SYAP1: variants seen among roughly 807,000 people sequenced by gnomAD.
SYAP1 encodes synapse-associated protein 1.
In SYAP1, 3 loss-of-function variants were observed where a neutral mutation model predicts 29.6. The observed-to-expected ratio is 0.10, with a 90% CI of 0.05 to 0.26. The LOEUF (loss-of-function observed/expected upper bound fraction) is 0.26. Ranked by LOEUF, SYAP1 falls within the 10% of genes least tolerant of loss-of-function variation. The pLI, the probability that SYAP1 is intolerant of heterozygous loss-of-function variation, is 1.00. For synonymous variants in SYAP1, 102 were observed against 102.7 expected (o/e 0.99, Z 0.04); for missense variants, 217 against 264.1 (o/e 0.82, Z 1.24).
chrX:16,721,056 G>T (rs1925948250), intron 1 of SYAP1, among the ~76,000 whole-genome samples: 1 of 107,152 alleles, frequency 9.3e-6, no homozygotes, highest in Admixed American at 1.0e-4. Context: ...CTTTGAGGAG[G>T]TGAGCCCTAA....
intron 4 of SYAP1, 28 bp from the exon 5 acceptor site, chrX:16,743,673 C>G (rs775771098): frequency 8.3e-7 from 1 of 1,201,328 alleles, no homozygotes; most frequent in East Asian, 3.0e-5. Flanking sequence ...TGTGGAATAC[C>G]CTGTGTTTTT....
chrX:16,729,052 G>GAA (rs140902155), intron 1 of SYAP1, among the ~76,000 whole-genome samples: 1 of 95,708 alleles, frequency 1.0e-5, no homozygotes, highest in Non-Finnish European at 2.1e-5. Context: ...AAAAAAAAAA[G>GAA]AAAAAAAAAA....
chrX:16,725,761 T>C (rs1926071495), intron 1 of SYAP1, among the ~76,000 whole-genome samples: 1 of 111,955 alleles, frequency 8.9e-6, no homozygotes, highest in African/African-American at 3.2e-5. Context: ...GGGCAAGAAC[T>C]TGTGCTTTCT....
At chrX:16,731,270 C>T (rs1340203158) in intron 1 of SYAP1, among the ~76,000 whole-genome samples, 2 of 111,725 alleles carry the variant, frequency 1.8e-5, no homozygotes, top group Non-Finnish European at 3.8e-5. Flanking sequence ...AAAATTATGA[C>T]ATTTGTTATG....
At chrX:16,751,437 G>A (rs1926726210) in intron 5 of SYAP1, among the ~76,000 whole-genome samples, 1 of 95,790 alleles carries the variant, frequency 1.0e-5, no homozygotes, top group Non-Finnish European at 2.1e-5. Context: ...GGGTGACAGA[G>A]CGAGACTCTG....
At position 16,742,143 on chromosome X, in the gene SYAP1, G is replaced by GTTTTTTTTTTTTTTTTTTTTTTTTTT. The variant is rs144175479; in HGVS notation, c.435+355_435+380dup. ...ACCATGCCCAGCTAATTTTTGTGTG[G>GTTTTTTTTTTTTTTTTTTTTTTTTTT]TTTTTTTTTTTTTTTTTTTTTTTTT... On this transcript the variant is annotated intron_variant, in intron 4 of 8. Transcript: ENST00000380155. 7.2e-5 allele frequency among the ~76,000 whole-genome samples: 3 copies of GTTTTTTTTTTTTTTTTTTTTTTTTTT among 41,872 alleles called. 1 individual carries two copies. The highest frequency in any genetic ancestry group is 4.0e-4 in the African/African-American group (3 of 7,526). The allele number at this position is 41,872 out of a possible 115,157, so 36.4% of individuals were successfully genotyped here. A position where few individuals can be genotyped will look rare whatever the true frequency, so the allele number is the denominator to read the frequency against.
At position 16,763,337 on chromosome X, in the gene SYAP1, G is replaced by A. The variant is rs1031061231; in HGVS notation, c.*2978G>A. The stretch of plus-strand genomic sequence containing the variant: ...GGATGAGAAATATTCTTGGTAAATC[G>A]GGCATTTCTTTTTTTGTTTGTTTTT... On this transcript the variant is annotated 3_prime_UTR_variant, in exon 9 of 9. Coordinates refer to ENST00000380155, the MANE Select transcript of SYAP1 (RefSeq NM_032796.4). The A allele has an allele frequency of 4.6e-5, 5 of 107,558 alleles. No homozygotes were observed. Among genetic ancestry groups the A allele is most frequent in the African/African-American group, 1.4e-4 (4 of 29,506 alleles). The allele number at this position is 107,558 out of a possible 1,213,427, so 8.9% of individuals were successfully genotyped here.
chrX:16,757,954 C>T (rs760622038), intron 8 of SYAP1, among the ~76,000 whole-genome samples: 1 of 110,003 alleles, frequency 9.1e-6, no homozygotes, highest in South Asian at 3.8e-4. Context: ...TGGCATTCTC[C>T]TTGACTGTAG....
intron 6 of SYAP1, among the ~76,000 whole-genome samples, 162 bp downstream of exon 6, chrX:16,755,255 C>G (rs1926816824): frequency 9.0e-6 from 1 of 111,575 alleles, no homozygotes; most frequent in Non-Finnish European, 1.9e-5. Flanking sequence ...TCTCTCTGAC[C>G]CAGCTCACAC....
At chrX:16,736,754 C>T (rs905355064) in intron 3 of SYAP1, among the ~76,000 whole-genome samples, 2 of 111,927 alleles carry the variant, frequency 1.8e-5, no homozygotes, top group African/African-American at 3.2e-5. Flanking sequence ...GTGATCCGCC[C>T]GCCTTAGCCT....
At chrX:16,745,157 G>C (rs1249795697) in intron 5 of SYAP1, among the ~76,000 whole-genome samples, 3 of 112,344 alleles carry the variant, frequency 2.7e-5, no homozygotes, top group African/African-American at 9.7e-5. Context: ...AGTAGCTGTG[G>C]GAAGGTAGCT....
Position 16,761,654 on chromosome X carries a change from C to A in SYAP1, c.*1295C>A. 1 of 109,769 alleles carries A rather than the reference C, an allele frequency of 9.1e-6. No individual in the cohort carries two copies. The highest frequency in any genetic ancestry group is 1.9e-5 in the Non-Finnish European group (1 of 52,874). The allele number at this position is 109,769 out of a possible 1,213,427, so 9.0% of individuals were successfully genotyped here. A position where few individuals can be genotyped will look rare whatever the true frequency, so the allele number is the denominator to read the frequency against. ...CGCCACTGCACTCCAGCCTGGGTGA[C>A]AGAGTGAGAGACTCCGTCTCAAAAA... On this transcript the variant is annotated 3_prime_UTR_variant, in exon 9 of 9. Transcript: ENST00000380155.
chrX:16,726,731 C>G (rs1025924782), intron 1 of SYAP1, among the ~76,000 whole-genome samples: 2 of 111,536 alleles, frequency 1.8e-5, no homozygotes, highest in African/African-American at 3.3e-5. Flanking sequence ...AGGGGCTCAT[C>G]ATTATGGGGC....
chrX:16,728,997 C>A (rs1926142618), intron 1 of SYAP1, among the ~76,000 whole-genome samples: 1 of 107,319 alleles, frequency 9.3e-6, no homozygotes, highest in Non-Finnish European at 1.9e-5. Flanking sequence ...CGAGATCACA[C>A]CACTGTGCTT....
At chrX:16,736,699 C>T (rs1926336673) in intron 3 of SYAP1, among the ~76,000 whole-genome samples, 1 of 111,604 alleles carries the variant, frequency 9.0e-6, no homozygotes, top group Admixed American at 9.6e-5. Flanking sequence ...TTAGTAGAAA[C>T]GGGGTTTTAC....
intron 5 of SYAP1, among the ~76,000 whole-genome samples, chrX:16,744,741 A>G (rs977549314): frequency 2.7e-5 from 3 of 111,089 alleles, no homozygotes; most frequent in African/African-American, 9.8e-5. Flanking sequence ...CTGAGGCGGG[A>G]GGATCATGTG....
At chrX:16,732,561 C>T (rs1030676881) in intron 1 of SYAP1, among the ~76,000 whole-genome samples, 2 of 111,163 alleles carry the variant, frequency 1.8e-5, no homozygotes, top group African/African-American at 6.5e-5. Context: ...CGTGAGCCAC[C>T]GCGCCCAGCC....
At chrX:16,742,385 C>T (rs1487577255) in intron 4 of SYAP1, among the ~76,000 whole-genome samples, 2 of 109,211 alleles carry the variant, frequency 1.8e-5, no homozygotes, top group Non-Finnish European at 3.8e-5. Flanking sequence ...CTCCTGATCT[C>T]GTGATCCACC....
At chrX:16,734,597 G>T (rs1226309505) in intron 1 of SYAP1, among the ~76,000 whole-genome samples, 1 of 110,714 alleles carries the variant, frequency 9.0e-6, no homozygotes. Flanking sequence ...GTTCTTCCTG[G>T]CAAAGTAGGA....
Sources: allele counts gnomAD v4.1 joint callset (sites outside exome capture counted in the v4.1 genomes callset), GRCh38; gene constraint gnomAD v4.1.1; transcripts MANE v1.5; gene names NCBI Gene and HGNC (gene_info 2026-07-23, HGNC 2026-07-21).